The following RRAS2 variants were observed in gnomAD, a reference collection of about 807,000 sequenced individuals.
RRAS2 encodes ras-related protein R-Ras2.
In RRAS2, 7 loss-of-function variants were observed where a neutral mutation model predicts 27.6. That is an observed-to-expected ratio of 0.25 (90% CI 0.14 to 0.48). The LOEUF (loss-of-function observed/expected upper bound fraction) is 0.48, where lower values mean the gene tolerates loss of function less well. Among genes scored for constraint, RRAS2 ranks in the 20% least tolerant of loss-of-function variants. The pLI is 0.99. For missense variants in RRAS2, 178 were observed against 256.2 expected (o/e 0.69, Z 2.08); for synonymous variants, 86 against 90.9 (o/e 0.95, Z 0.31).
chr11:14,322,102 T>C (rs1261975970), intron 1 of RRAS2, among the ~76,000 whole-genome samples: 3 of 151,982 alleles, frequency 2.0e-5, no homozygotes, highest in Non-Finnish European at 4.4e-5. Context: ...TCAAGACAAA[T>C]ATACCCAACA....
chr11:14,317,385 G>C (rs1472268624), intron 1 of RRAS2, among the ~76,000 whole-genome samples: 1 of 152,172 alleles, frequency 6.6e-6, no homozygotes, highest in Non-Finnish European at 1.5e-5. Flanking sequence ...TTCAAGACCA[G>C]CCTGGCCAAC....
chr11:14,326,869 G>A lies in RRAS2; in HGVS notation c.109-31014C>T, dbSNP rs1318857318. ...AGGTCAGGAGATCGAGACCATCCCGGCTAAAACGGTGAAACCCCGTCTCTA... is the reference window on the plus strand; with the variant it reads ...AGGTCAGGAGATCGAGACCATCCCGACTAAAACGGTGAAACCCCGTCTCTA... On this transcript the variant is annotated intron_variant, in intron 1 of 5. Coordinates refer to ENST00000256196, the MANE Select transcript of RRAS2 (RefSeq NM_012250.6). Among the ~76,000 whole-genome samples the A allele has an allele frequency of 5.1e-4, 10 of 19,544 alleles. 3 individuals carry two copies. Among genetic ancestry groups the A allele is most frequent in the African/African-American group, 1.0e-3 (10 of 9,918 alleles). 12.8% of individuals were successfully genotyped at this position (19,544 alleles called of 152,430 possible).
upstream of RRAS2, among the ~76,000 whole-genome samples, chr11:14,359,732 G>T (rs1454592331): frequency 6.6e-6 from 1 of 152,160 alleles, no homozygotes; most frequent in Non-Finnish European, 1.5e-5. Flanking sequence ...TGTCATAGTG[G>T]CTATGTTTAT....
chr11:14,338,902 C>A (rs1359667845), intron 1 of RRAS2, among the ~76,000 whole-genome samples: 3 of 152,034 alleles, frequency 2.0e-5, no homozygotes, highest in Admixed American at 2.0e-4. Context: ...TTTTCACTAA[C>A]CTCTGTTAAA....
At chr11:14,302,064 C>CCACACATACACACA (rs1847720923) in intron 1 of RRAS2, among the ~76,000 whole-genome samples, 1 of 51,820 alleles carries the variant, frequency 1.9e-5, no homozygotes, top group Non-Finnish European at 4.0e-5. Flanking sequence ...AGTAAATGTA[C>CCACACATACACACA]CACACACATA....
chr11:14,348,054 G>A (rs1848875301), intron 1 of RRAS2, among the ~76,000 whole-genome samples: 1 of 152,166 alleles, frequency 6.6e-6, no homozygotes, highest in African/African-American at 2.4e-5. Context: ...CAAGACATCT[G>A]GCTACAAAAT....
intron 1 of RRAS2, among the ~76,000 whole-genome samples, chr11:14,306,682 G>T (rs1438658576): frequency 6.6e-6 from 1 of 151,904 alleles, no homozygotes; most frequent in Non-Finnish European, 1.5e-5. Flanking sequence ...TGTTCTACTG[G>T]GCTGACTGCT....
At chr11:14,356,617 C>T in intron 1 of RRAS2, 1 of 268,190 alleles carries the variant, frequency 3.7e-6, no homozygotes, top group East Asian at 1.4e-4. Flanking sequence ...TTAAAAGACA[C>T]ACATGCTCAA....
Position 14,358,102 on chromosome 11 carries a change from T to C in RRAS2, c.108+661A>G, listed in dbSNP as rs1242805553. Reference sequence around the variant, plus strand: ...CGAGAAGCAGGACGGCATCAGGAATTCCTAGGAAATGGTCTCACCCCATCA... The same window carrying C: ...CGAGAAGCAGGACGGCATCAGGAATCCCTAGGAAATGGTCTCACCCCATCA... On this transcript the variant is annotated intron_variant, in intron 1 of 5. Coordinates refer to ENST00000256196, the MANE Select transcript of RRAS2 (RefSeq NM_012250.6). The surrounding 1 kb of genome is among the most constrained non-coding windows in gnomAD (Gnocchi z 5.1). 1 of 535,366 alleles carries C rather than the reference T, an allele frequency of 1.9e-6. No homozygotes were observed. The highest frequency in any genetic ancestry group is 1.5e-4 in the East Asian group (1 of 6,750). 33.2% of individuals were successfully genotyped at this position (535,366 alleles called of 1,614,324 possible).
At chr11:14,340,487 G>T (rs1167486921) in intron 1 of RRAS2, among the ~76,000 whole-genome samples, 4 of 151,990 alleles carry the variant, frequency 2.6e-5, no homozygotes, top group Non-Finnish European at 5.9e-5. Flanking sequence ...CCTACATTAA[G>T]AACCATTTCC....
intron 4 of RRAS2, among the ~76,000 whole-genome samples, chr11:14,287,728 C>T (rs1222940996): frequency 1.3e-5 from 2 of 151,714 alleles, no homozygotes; most frequent in South Asian, 2.1e-4. Context: ...AAAAAGTAGC[C>T]GGGTGTGATG....
At chr11:14,328,063 T>C (rs1848401630) in intron 1 of RRAS2, among the ~76,000 whole-genome samples, 1 of 152,244 alleles carries the variant, frequency 6.6e-6, no homozygotes. Flanking sequence ...TACATAAGGC[T>C]AACAGTAAAG....
chr11:14,337,205 C>A (rs1848605656), intron 1 of RRAS2: 1 of 152,182 alleles, frequency 6.6e-6, no homozygotes, highest in African/African-American at 2.4e-5. Flanking sequence ...AAATTGTTTA[C>A]CATTCTGAGT....
intron 1 of RRAS2, among the ~76,000 whole-genome samples, chr11:14,306,290 C>T (rs2133977473): frequency 1.3e-5 from 2 of 152,168 alleles, no homozygotes; most frequent in East Asian, 3.9e-4. Context: ...ATATAAATCC[C>T]TTATCAGAAA....
intron 4 of RRAS2, among the ~76,000 whole-genome samples, chr11:14,288,511 G>T (rs1323891482): frequency 6.6e-6 from 1 of 152,162 alleles, no homozygotes; most frequent in Non-Finnish European, 1.5e-5. Flanking sequence ...GAAATCAAAA[G>T]AAAACTGAAA....
intron 1 of RRAS2, among the ~76,000 whole-genome samples, chr11:14,354,676 T>TC (rs1246809224): frequency 1.4e-5 from 2 of 145,212 alleles, no homozygotes; most frequent in Non-Finnish European, 3.0e-5. Context: ...CAATTTCTTT[T>TC]TTTTTTTTTT....
At chr11:14,337,214 G>A (rs920568766) in intron 1 of RRAS2, 6 of 152,216 alleles carry the variant, frequency 3.9e-5, no homozygotes, top group Non-Finnish European at 7.3e-5. Context: ...ACCATTCTGA[G>A]TAGCCTGATG....
chr11:14,288,288 T>A (rs1849717406), intron 4 of RRAS2, among the ~76,000 whole-genome samples: 2 of 152,202 alleles, frequency 1.3e-5, no homozygotes. Context: ...CATTTATTTG[T>A]TTTTAAAGCA....
intron 1 of RRAS2, among the ~76,000 whole-genome samples, chr11:14,318,338 A>G (rs988417582): frequency 6.6e-6 from 1 of 152,066 alleles, no homozygotes; most frequent in Non-Finnish European, 1.5e-5. Flanking sequence ...ATCTCTACCT[A>G]CTAAAAGCAC....
Sources: gnomAD v4.1 joint callset for allele counts (sites outside exome capture counted in the v4.1 genomes callset) on GRCh38, gnomAD v4.1.1 for gene constraint, Gnocchi (gnomAD v3.1) non-coding constraint, MANE v1.5 for transcripts, NCBI Gene and HGNC (gene_info 2026-07-23, HGNC 2026-07-21) for gene names.